TMEM132C: variants seen among roughly 807,000 people sequenced by gnomAD.
The protein encoded by TMEM132C is protein phosphatase 1, regulatory subunit 152.
Under a neutral mutation model 61.4 loss-of-function variants are expected in TMEM132C, and 29 were observed. That is an observed-to-expected ratio of 0.47 (90% confidence interval 0.35 to 0.64). TMEM132C has a LOEUF of 0.64. Among genes scored for constraint, TMEM132C ranks in the 30% least tolerant of loss-of-function variants. The pLI, the probability that TMEM132C is intolerant of heterozygous loss-of-function variation, is 0.00. For synonymous variants in TMEM132C, 656 were observed against 633.1 expected (o/e 1.04, Z -0.54); for missense variants, 1,408 against 1,476.9 (o/e 0.95, Z 0.76).
rs77725005 is a variant in TMEM132C, at chr12:128,297,047, G to T, written c.85+29560G>T. ...AATACAGCTGTAATTCCGTCAAATGGTCTTTTTTTTTTCTTAATTGCAAAG... is the reference window on the plus strand; with the variant it reads ...AATACAGCTGTAATTCCGTCAAATGTTCTTTTTTTTTTCTTAATTGCAAAG... On this transcript the variant is annotated intron_variant, in intron 1 of 8. Transcript: ENST00000435159. Among the ~76,000 whole-genome samples, 1,009 of 151,672 alleles carry T rather than the reference G, an allele frequency of 6.7e-3. 12 individuals are homozygous for T. The highest frequency in any genetic ancestry group is 0.022 in the African/African-American group (918 of 41,160).
At chr12:128,538,118 G>GATA (rs1873599370) in intron 2 of TMEM132C, among the ~76,000 whole-genome samples, 1 of 103,532 alleles carries the variant, frequency 9.7e-6, no homozygotes, top group Non-Finnish European at 2.7e-5. Flanking sequence ...TACTAGTGGT[G>GATA]GTAGTAGTAG....
intron 3 of TMEM132C, among the ~76,000 whole-genome samples, chr12:128,546,674 C>A (rs192329937): frequency 6.6e-6 from 1 of 152,138 alleles, no homozygotes. Context: ...GATGGTTAGA[C>A]CCCAGAAATG....
intron 3 of TMEM132C, among the ~76,000 whole-genome samples, chr12:128,577,583 G>A (rs1339999306): frequency 6.6e-6 from 1 of 152,204 alleles, no homozygotes; most frequent in African/African-American, 2.4e-5. Context: ...TGTTCCTTTC[G>A]GAAACTAATT....
At chr12:128,401,340 T>C (rs1004513385) in intron 1 of TMEM132C, among the ~76,000 whole-genome samples, 1 of 152,156 alleles carries the variant, frequency 6.6e-6, no homozygotes, top group Non-Finnish European at 1.5e-5. Context: ...CCTTCATATG[T>C]ACATAATTAA....
At chr12:128,569,704 A>G (rs571216550) in intron 3 of TMEM132C, among the ~76,000 whole-genome samples, 1 of 152,344 alleles carries the variant, frequency 6.6e-6, no homozygotes, top group East Asian at 1.9e-4. Flanking sequence ...CAAGACAGTC[A>G]GCAAACATCT....
rs1234540391 is a variant in TMEM132C, at chr12:128,697,383, A to G, written c.2089A>G (p.Thr697Ala). 1.9e-6 allele frequency: 3 copies of G among 1,546,978 alleles called. No homozygotes were observed. Among genetic ancestry groups the G allele is most frequent in the South Asian group, 2.4e-5 (2 of 83,776 alleles). ...CAGCAAGGCCGTAACAGCTGTGGTC[A>G]CAGCTGAGGAGGTGCTGCGGACCCC... The part of the protein sequence containing the change: ...ENSKAVTAVV[T>A]AEEVLRTPKQ... The change falls in exon 8 of 9, where the codon ACA becomes GCA. Residue 697 changes from threonine (T) to alanine (A), a missense_variant. Physicochemically the swap from Thr to Ala is moderately conservative, Grantham distance 58. Coordinates refer to ENST00000435159, the MANE Select transcript of TMEM132C (RefSeq NM_001136103.3).
intron 1 of TMEM132C, among the ~76,000 whole-genome samples, chr12:128,353,494 TGG>T (rs1158878848): frequency 6.6e-6 from 1 of 152,166 alleles, no homozygotes; most frequent in Non-Finnish European, 1.5e-5. Context: ...CGTTCTCCCA[TGG>T]TGTTTTCTTA....
At position 128,702,906 on chromosome 12, in the gene TMEM132C, C is replaced by T. The variant is rs75645856; in HGVS notation, c.2122-2184C>T. Among the ~76,000 whole-genome samples the T allele has an allele frequency of 0.01, 1,579 of 152,196 alleles. 72 individuals carry two copies. In the East Asian group the frequency reaches 0.15, roughly 15 times the overall value. On this transcript the variant is annotated intron_variant, in intron 8 of 8. Transcript: ENST00000435159. The stretch of plus-strand genomic sequence containing the variant: ...TGGGGACAAAGGTCCAGGAAGGCCA[C>T]GAGGTCAGACCTGGTTTGCTGTGAA...
At chr12:128,316,926 C>T (rs755112665) in intron 1 of TMEM132C, among the ~76,000 whole-genome samples, 21 of 152,228 alleles carry the variant, frequency 1.4e-4, no homozygotes, top group African/African-American at 4.3e-4. Context: ...ACCCACCACC[C>T]GCAACTAAAG....
intron 3 of TMEM132C, among the ~76,000 whole-genome samples, chr12:128,553,240 A>G (rs1002146024): frequency 6.6e-6 from 1 of 152,246 alleles, no homozygotes; most frequent in Non-Finnish European, 1.5e-5. Flanking sequence ...TGGGCCACAC[A>G]CGCAGCCTGT....
At chr12:128,449,260 C>A (rs1173539373) in intron 2 of TMEM132C, among the ~76,000 whole-genome samples, 2 of 151,768 alleles carry the variant, frequency 1.3e-5, no homozygotes, top group African/African-American at 4.8e-5. Context: ...AGCCAGAAGG[C>A]TGCTCTGGGG....
intron 8 of TMEM132C, among the ~76,000 whole-genome samples, chr12:128,699,839 C>T (rs1245156723): frequency 1.3e-5 from 2 of 152,180 alleles, no homozygotes; most frequent in African/African-American, 4.8e-5. Flanking sequence ...TGATTTTGCC[C>T]CAGAGTGTCA....
At chr12:128,595,113 G>T (rs1160444253) in intron 3 of TMEM132C, among the ~76,000 whole-genome samples, 1 of 152,142 alleles carries the variant, frequency 6.6e-6, no homozygotes, top group Non-Finnish European at 1.5e-5. Context: ...AACAGTGCAG[G>T]GAAGTCTTGT....
chr12:128,406,030 A>G (rs1350606240), intron 1 of TMEM132C, among the ~76,000 whole-genome samples: 2 of 152,230 alleles, frequency 1.3e-5, no homozygotes, highest in African/African-American at 4.8e-5. Flanking sequence ...AAAGTATGCA[A>G]ATGTGAGGCA....
chr12:128,693,126 G>A (rs578133917), intron 5 of TMEM132C, among the ~76,000 whole-genome samples: 20 of 152,258 alleles, frequency 1.3e-4, no homozygotes, highest in East Asian at 1.9e-4. Context: ...CACAGGGACC[G>A]GCCTTGCCAA....
intron 3 of TMEM132C, among the ~76,000 whole-genome samples, chr12:128,547,167 G>A (rs1026169372): frequency 1.3e-5 from 2 of 152,200 alleles, no homozygotes; most frequent in African/African-American, 4.8e-5. Flanking sequence ...GTCAGTGCCA[G>A]CCAGGAGTGT....
At chr12:128,625,926 G>A (rs903824018) in intron 4 of TMEM132C, among the ~76,000 whole-genome samples, 2 of 152,176 alleles carry the variant, frequency 1.3e-5, no homozygotes, top group African/African-American at 2.4e-5. Context: ...AGCCCCAAAA[G>A]CATTAGCAGC....
intron 3 of TMEM132C, among the ~76,000 whole-genome samples, chr12:128,582,005 G>A (rs11612005): frequency 0.4 from 61,165 of 152,004 alleles, 13,609 homozygotes; most frequent in South Asian, 0.58. Flanking sequence ...GCAGACGAGG[G>A]GCCAGATATC....
At chr12:128,545,741 GC>G (rs1873927130) in intron 3 of TMEM132C, among the ~76,000 whole-genome samples, 1 of 152,200 alleles carries the variant, frequency 6.6e-6, no homozygotes, top group African/African-American at 2.4e-5. Flanking sequence ...TAAGTTTGTG[GC>G]CACTTGTATG....
Sources: allele counts gnomAD v4.1 joint callset (sites outside exome capture counted in the v4.1 genomes callset), GRCh38; gene constraint gnomAD v4.1.1; transcripts MANE v1.5; gene names NCBI Gene and HGNC (gene_info 2026-07-23, HGNC 2026-07-21).